RAB3C: variants seen among roughly 807,000 people sequenced by gnomAD.
RAB3C encodes RAB3C, member RAS oncogene family.
A neutral mutation model predicts 26.4 loss-of-function variants in RAB3C; 17 were observed. The observed-to-expected ratio is 0.64, with a 90% CI of 0.44 to 0.97. The LOEUF is 0.97. RAB3C is among the 50% of genes least tolerant of loss of function. RAB3C has a pLI of 0.00. For synonymous variants in RAB3C, 91 were observed against 95.9 expected (o/e 0.95, Z 0.30); for missense variants, 242 against 281.9 (o/e 0.86, Z 1.01).
At chr5:58,752,062 GC>G (rs202239917) in intron 3 of RAB3C, among the ~76,000 whole-genome samples, 6,421 of 143,570 alleles carry the variant, frequency 0.045, 144 homozygotes, top group East Asian at 0.11. Context: ...TTACAGAGAT[GC>G]AAAAAAAAAT....
At chr5:58,722,382 C>A in intron 2 of RAB3C, among the ~76,000 whole-genome samples, 1 of 149,544 alleles carries the variant, frequency 6.7e-6, no homozygotes. Context: ...CATGGGGTCC[C>A]AACCTGTAAG....
chr5:58,731,685 G>A (rs962261576), intron 3 of RAB3C, among the ~76,000 whole-genome samples: 1 of 152,138 alleles, frequency 6.6e-6, no homozygotes, highest in Non-Finnish European at 1.5e-5. Context: ...CGTCTTCAGA[G>A]GTGCTTTATG....
rs75980017 is a variant in RAB3C, at chr5:58,744,600, G to A, written c.371+18480G>A. Among the ~76,000 whole-genome samples, 1,458 of 152,292 alleles carry A rather than the reference G, an allele frequency of 9.6e-3. 29 individuals carry two copies. Among genetic ancestry groups the A allele is most frequent in the African/African-American group, 0.033 (1,384 of 41,566 alleles). On this transcript the variant is annotated intron_variant, in intron 3 of 4. Coordinates refer to ENST00000282878, the MANE Select transcript of RAB3C (RefSeq NM_138453.4). ...TTTTTCTCTCTGATGACATAACTGC[G>A]TAGAAAAGAGGCAAGGCCATAGTTT...
chr5:58,609,121 A>G (rs1746636697), intron 1 of RAB3C, among the ~76,000 whole-genome samples: 2 of 152,134 alleles, frequency 1.3e-5, no homozygotes, highest in South Asian at 2.1e-4. Context: ...GCAAACCAAC[A>G]TGGCACATGT....
intron 2 of RAB3C, among the ~76,000 whole-genome samples, chr5:58,622,015 AC>A (rs1561269820): frequency 6.6e-6 from 1 of 152,182 alleles, no homozygotes; most frequent in Non-Finnish European, 1.5e-5. Flanking sequence ...TAGATTTGCA[AC>A]AGTCTACATT....
chr5:58,582,842 A>G (rs950107937), upstream of RAB3C, among the ~76,000 whole-genome samples: 3 of 152,218 alleles, frequency 2.0e-5, no homozygotes, highest in Admixed American at 2.0e-4. Flanking sequence ...CGAGGAAAAG[A>G]GCAGGGGAGA....
chr5:58,754,384 G>A (rs1741602177), intron 3 of RAB3C, among the ~76,000 whole-genome samples: 1 of 152,146 alleles, frequency 6.6e-6, no homozygotes, highest in Admixed American at 6.5e-5. Flanking sequence ...TTTGTTTCTA[G>A]TTCAGCCTTT....
At chr5:58,733,419 G>A (rs1741068525) in intron 3 of RAB3C, among the ~76,000 whole-genome samples, 1 of 152,170 alleles carries the variant, frequency 6.6e-6, no homozygotes, top group African/African-American at 2.4e-5. Flanking sequence ...ACTTGTCCAT[G>A]TGGTAAAAAT....
intron 2 of RAB3C, among the ~76,000 whole-genome samples, chr5:58,621,287 C>T (rs1746932253): frequency 6.6e-6 from 1 of 152,140 alleles, no homozygotes; most frequent in Non-Finnish European, 1.5e-5. Context: ...TAATTTGGAT[C>T]ACTCTATTCA....
intron 3 of RAB3C, among the ~76,000 whole-genome samples, chr5:58,764,139 G>GT (rs1209292573): frequency 6.6e-6 from 1 of 152,198 alleles, no homozygotes; most frequent in Non-Finnish European, 1.5e-5. Context: ...AATCTGTGCT[G>GT]TAAGGATGCA....
intron 4 of RAB3C, among the ~76,000 whole-genome samples, chr5:58,835,314 A>T (rs995153209): frequency 9.9e-5 from 15 of 152,034 alleles, no homozygotes; most frequent in African/African-American, 3.6e-4. Context: ...GTTCTTTCCT[A>T]TACTCCTTCT....
At chr5:58,664,426 T>C (rs1747963651) in intron 2 of RAB3C, among the ~76,000 whole-genome samples, 1 of 152,140 alleles carries the variant, frequency 6.6e-6, no homozygotes, top group Non-Finnish European at 1.5e-5. Flanking sequence ...GGTAAAATTA[T>C]AGAAATGGCG....
At chr5:58,629,312 G>T (rs996757270) in intron 2 of RAB3C, among the ~76,000 whole-genome samples, 1 of 152,118 alleles carries the variant, frequency 6.6e-6, no homozygotes, top group South Asian at 2.1e-4. Flanking sequence ...GCTATGTATA[G>T]CTGGACAGTA....
intron 4 of RAB3C, among the ~76,000 whole-genome samples, chr5:58,831,994 G>A (rs1743622477): frequency 6.6e-6 from 1 of 152,190 alleles, no homozygotes; most frequent in African/African-American, 2.4e-5. Flanking sequence ...TTATTCCAAT[G>A]TGTAGACATG....
At chr5:58,842,220 C>G (rs546775740) in intron 4 of RAB3C, among the ~76,000 whole-genome samples, 70 of 152,292 alleles carry the variant, frequency 4.6e-4, no homozygotes, top group African/African-American at 1.2e-3. Context: ...GTCTTACCCT[C>G]CATCTGAGAA....
At chr5:58,753,008 G>C (rs1324553766) in intron 3 of RAB3C, among the ~76,000 whole-genome samples, 3 of 151,488 alleles carry the variant, frequency 2.0e-5, no homozygotes, top group Non-Finnish European at 4.4e-5. Context: ...AGAATGAAAA[G>C]GAATTATTAA....
At position 58,760,933 on chromosome 5, in the gene RAB3C, C is replaced by T. The variant is rs949295877; in HGVS notation, c.371+34813C>T. Among the ~76,000 whole-genome samples, 5 of 152,068 alleles carry T rather than the reference C, an allele frequency of 3.3e-5. No homozygotes were observed. The East Asian group carries it at 5.8e-4, about 18-fold the overall frequency. On this transcript the variant is annotated intron_variant, in intron 3 of 4. Coordinates refer to ENST00000282878, the MANE Select transcript of RAB3C (RefSeq NM_138453.4). Reference sequence around the variant, plus strand: ...GCAAGACTTCCAGTTAAATAGATAACGAGCATCACTTAAACATTTTAATTT... The same window carrying T: ...GCAAGACTTCCAGTTAAATAGATAATGAGCATCACTTAAACATTTTAATTT...
chr5:58,655,076 C>A (rs1383758525), intron 2 of RAB3C, among the ~76,000 whole-genome samples: 1 of 152,098 alleles, frequency 6.6e-6, no homozygotes, highest in Non-Finnish European at 1.5e-5. Flanking sequence ...CAAAGACAGA[C>A]CTATATGATC....
chr5:58,819,528 T>C (rs758149033), intron 3 of RAB3C, among the ~76,000 whole-genome samples: 6 of 152,162 alleles, frequency 3.9e-5, no homozygotes, highest in African/African-American at 7.2e-5. Context: ...ATAAAAGAAA[T>C]ATCAAGAACA....
Sources: allele counts gnomAD v4.1 joint callset (sites outside exome capture counted in the v4.1 genomes callset), GRCh38; gene constraint gnomAD v4.1.1; transcripts MANE v1.5; gene names NCBI Gene and HGNC (gene_info 2026-07-23, HGNC 2026-07-21).